Variants in FUNDC2 observed in about 807,000 individuals in gnomAD.
The protein encoded by FUNDC2 is FUN14 domain-containing protein 2.
A neutral mutation model predicts 15.6 loss-of-function variants in FUNDC2; 4 were observed. That is an observed-to-expected ratio of 0.26 (90% CI 0.13 to 0.59). The LOEUF (loss-of-function observed/expected upper bound fraction) is 0.59, where lower values mean the gene tolerates loss of function less well. Among genes scored for constraint, FUNDC2 ranks in the 20% least tolerant of loss-of-function variants. The probability of loss-of-function intolerance (pLI) is 0.90; values close to 1 mark genes in which losing one functional copy is unlikely to be tolerated. For synonymous variants in FUNDC2, 44 were observed against 56.9 expected, an observed-to-expected ratio of 0.77 and a Z score of 1.02; for missense variants, 98 against 149.7, an observed-to-expected ratio of 0.65 and a Z score of 1.80.
At position 155,056,560 on chromosome X, in the gene FUNDC2, A is replaced by G. The variant is rs782335305; in HGVS notation, c.*1888A>G. ...TTGCTTGCTATATATTTATATCTCT[A>G]TATATATTGATATAGACATATGTAG... On this transcript the variant is annotated 3_prime_UTR_variant, in exon 5 of 5. Coordinates refer to ENST00000369498, the MANE Select transcript of FUNDC2 (RefSeq NM_023934.4). The G allele has an allele frequency of 2.8e-5, 3 of 106,565 alleles. No individual in the cohort carries two copies. Among genetic ancestry groups the G allele is most frequent in the Non-Finnish European group, 5.8e-5 (3 of 51,890 alleles). The allele number at this position is 106,565 out of a possible 1,213,427, so 8.8% of individuals were successfully genotyped here. A position where few individuals can be genotyped will look rare whatever the true frequency, so the allele number is the denominator to read the frequency against.
chrX:155,057,043 GCT>G lies in FUNDC2; in HGVS notation c.*2372_*2373del, dbSNP rs2073906675. On this transcript the variant is annotated 3_prime_UTR_variant, in exon 5 of 5. Transcript: ENST00000369498. The stretch of plus-strand genomic sequence containing the variant: ...CAGTATTGCAGGTTGGCCTCATCCT[GCT>G]AGTATGAGAACGGCTGTGAGTTCTG... 3 of 96,416 alleles carry G rather than the reference GCT, an allele frequency of 3.1e-5. No individual in the cohort carries two copies. The highest frequency in any genetic ancestry group is 4.4e-5 in the Non-Finnish European group (2 of 45,178). 7.9% of individuals were successfully genotyped at this position (96,416 alleles called of 1,213,427 possible). A position where few individuals can be genotyped will look rare whatever the true frequency, so the allele number is the denominator to read the frequency against.
rs1315681776 is a variant in FUNDC2 at position 155,058,103 on chromosome X, A to T, written c.*3431A>T. 9.0e-6 allele frequency: 1 copy of T among 111,378 alleles called. No homozygotes were observed. The highest frequency in any genetic ancestry group is 1.9e-5 in the Non-Finnish European group (1 of 53,104). The allele number at this position is 111,378 out of a possible 1,213,427, so 9.2% of individuals were successfully genotyped here. On this transcript the variant is annotated 3_prime_UTR_variant, in exon 5 of 5. Transcript: ENST00000369498. ...CAATCTCCCGCCACTCAGCCTCCAG[A>T]CATTCATTAACAGGACAGTGGGGTT...
chrX:155,034,993 A>G (rs1218840067), intron 2 of FUNDC2, among the ~76,000 whole-genome samples: 1 of 111,005 alleles, frequency 9.0e-6, no homozygotes, highest in Non-Finnish European at 1.9e-5. Flanking sequence ...AGATATTTTC[A>G]CTCATTCTGT....
rs2073902650 is a variant in FUNDC2, at chrX:155,056,944, AT to A, written c.*2273del. 1 of 109,913 alleles carries A rather than the reference AT, an allele frequency of 9.1e-6. No homozygotes were observed. Among genetic ancestry groups the A allele is most frequent in the Non-Finnish European group, 1.9e-5 (1 of 52,028 alleles). 9.1% of individuals were successfully genotyped at this position (109,913 alleles called of 1,213,427 possible). ...CTGTATTCTGATTGTCTGAATTAAG[AT>A]CTGTAGGTAGGTCCCTCCTGAAGTT... is the stretch of plus-strand genomic sequence containing the variant. On this transcript the variant is annotated 3_prime_UTR_variant, in exon 5 of 5. Transcript: ENST00000369498.
Position 155,056,277 on chromosome X carries a change from A to G in FUNDC2, c.*1605A>G, listed in dbSNP as rs1359715907. The G allele has an allele frequency of 8.9e-6, 1 of 112,135 alleles. No individual in the cohort carries two copies. The highest frequency in any genetic ancestry group is 1.9e-5 in the Non-Finnish European group (1 of 53,257). The allele number at this position is 112,135 out of a possible 1,213,427, so 9.2% of individuals were successfully genotyped here. A position where few individuals can be genotyped will look rare whatever the true frequency, so the allele number is the denominator to read the frequency against. ...TGGTTTTTACCAGTTATTGTGAAAC[A>G]AATATCAAAATGTCATTTTATCATA... On this transcript the variant is annotated 3_prime_UTR_variant, in exon 5 of 5. Coordinates refer to ENST00000369498, the MANE Select transcript of FUNDC2 (RefSeq NM_023934.4).
At chrX:155,051,432 G>T (rs1410997239) in intron 3 of FUNDC2, 7 of 350,668 alleles carry the variant, frequency 2.0e-5, no homozygotes, top group Non-Finnish European at 3.0e-5. Flanking sequence ...TAAAAGGGTT[G>T]TAAGAGTATA....
rs1557288238 is a variant in FUNDC2, at chrX:155,026,849, C to T, written c.-90C>T. On this transcript the variant is annotated 5_prime_UTR_variant, in exon 1 of 5. Transcript: ENST00000369498. ...GGCGGGACCGCGGGGCCTGTGACAC[C>T]GCACGCTGAGCTCTGTGATGTAGCC... The T allele has an allele frequency of 3.5e-6, 4 of 1,127,066 alleles. No individual in the cohort carries two copies. Among genetic ancestry groups the T allele is most frequent in the Non-Finnish European group, 4.7e-6 (4 of 851,214 alleles). The allele number at this position is 1,127,066 out of a possible 1,213,427, so 92.9% of individuals were successfully genotyped here.
At chrX:155,049,120 A>C (rs1377138794) in intron 3 of FUNDC2, 1 of 113,052 alleles carries the variant, frequency 8.8e-6, no homozygotes, top group Non-Finnish European at 1.9e-5. Context: ...GCCCAGCAGC[A>C]ACGCTTGCCA....
rs1336364194 is a variant in FUNDC2 at position 155,058,179 on chromosome X, G to GT, written c.*3509dup. The GT allele has an allele frequency of 3.6e-5, 4 of 111,547 alleles. No individual in the cohort carries two copies. The highest frequency in any genetic ancestry group is 1.3e-4 in the African/African-American group (4 of 30,604). 9.2% of individuals were successfully genotyped at this position (111,547 alleles called of 1,213,427 possible). ...CAGTCCTTGCTACTGGATCTGGGCA[G>GT]TTACTGTCTCATGGATGCTGGCAGA... On this transcript the variant is annotated 3_prime_UTR_variant, in exon 5 of 5. Coordinates refer to ENST00000369498, the MANE Select transcript of FUNDC2 (RefSeq NM_023934.4).
chrX:155,031,724 T>G (rs1224710333), intron 1 of FUNDC2, among the ~76,000 whole-genome samples: 1 of 112,731 alleles, frequency 8.9e-6, no homozygotes, highest in African/African-American at 3.2e-5. Context: ...TTACATTATG[T>G]GTGAAAAGAT....
Position 155,054,966 on chromosome X carries a change from A to G in FUNDC2, c.*294A>G, listed in dbSNP as rs782071520. ...CCATGCAAGACACTTATGAGAACAC[A>G]TTACAAGATGGCTGACCGTGGAGGA... On this transcript the variant is annotated 3_prime_UTR_variant, in exon 5 of 5. Transcript: ENST00000369498. The G allele has an allele frequency of 3.2e-5, 11 of 342,244 alleles. No homozygotes were observed. Among genetic ancestry groups the G allele is most frequent in the Non-Finnish European group, 5.6e-5 (11 of 197,809 alleles). 28.2% of individuals were successfully genotyped at this position (342,244 alleles called of 1,213,427 possible). A position where few individuals can be genotyped will look rare whatever the true frequency, so the allele number is the denominator to read the frequency against.
At chrX:155,050,632 A>T (rs1460387429) in intron 3 of FUNDC2, 2 of 112,292 alleles carry the variant, frequency 1.8e-5, no homozygotes, top group East Asian at 5.6e-4. Context: ...TTGTTTATCC[A>T]TTCATGTGTT....
At chrX:155,054,551 A>T (rs782056286) in intron 4 of FUNDC2, 44 bp from the exon 5 acceptor site, 15 of 1,207,809 alleles carry the variant, frequency 1.2e-5, no homozygotes, top group Middle Eastern at 4.6e-4. Flanking sequence ...AATATTATTA[A>T]CATCCTTAGC....
chrX:155,042,872 C>T (rs966755180), intron 2 of FUNDC2, among the ~76,000 whole-genome samples: 1 of 111,419 alleles, frequency 9.0e-6, no homozygotes, highest in Non-Finnish European at 1.9e-5. Flanking sequence ...GTTTATTAAT[C>T]TTCTACAGTG....
Position 155,055,471 on chromosome X carries a change from A to C in FUNDC2, c.*799A>C, listed in dbSNP as rs1422852770. 7 of 290,526 alleles carry C rather than the reference A, an allele frequency of 2.4e-5. No homozygotes were observed. The Admixed American group carries it at 3.8e-4, about 16-fold the overall frequency. 23.9% of individuals were successfully genotyped at this position (290,526 alleles called of 1,213,427 possible). A position where few individuals can be genotyped will look rare whatever the true frequency, so the allele number is the denominator to read the frequency against. On this transcript the variant is annotated 3_prime_UTR_variant, in exon 5 of 5. Transcript: ENST00000369498. ...TTTTTTTTTAATCTAGTTAGTATGA[A>C]ATACAACATTTAAACCGGAATTTTA...
In FUNDC2 at chrX:155,056,742, G is replaced by A. The variant is rs1557290983; in HGVS notation, c.*2070G>A. 9.0e-6 allele frequency: 1 copy of A among 110,839 alleles called. No individual in the cohort carries two copies. The highest frequency in any genetic ancestry group is 3.3e-5 in the African/African-American group (1 of 30,521). The allele number at this position is 110,839 out of a possible 1,213,427, so 9.1% of individuals were successfully genotyped here. ...TGGTAACAGCAAAGCTAACCAAAGT[G>A]CTCTGTGCCCCTTTGGGTTGCATGT... On this transcript the variant is annotated 3_prime_UTR_variant, in exon 5 of 5. Transcript: ENST00000369498.
At position 155,026,844 on chromosome X, in the gene FUNDC2, G is replaced by C; in HGVS notation, c.-95G>C. 8.9e-7 allele frequency: 1 copy of C among 1,125,365 alleles called. No individual in the cohort carries two copies. Among genetic ancestry groups the C allele is most frequent in the Non-Finnish European group, 1.2e-6 (1 of 849,408 alleles). 92.7% of individuals were successfully genotyped at this position (1,125,365 alleles called of 1,213,427 possible). ...TGTTGGGCGGGACCGCGGGGCCTGT[G>C]ACACCGCACGCTGAGCTCTGTGATG... is the stretch of plus-strand genomic sequence containing the variant. On this transcript the variant is annotated 5_prime_UTR_variant, in exon 1 of 5. Coordinates refer to ENST00000369498, the MANE Select transcript of FUNDC2 (RefSeq NM_023934.4).
intron 1 of FUNDC2, 160 bp downstream of exon 1, chrX:155,027,231 G>C (rs2073796410): frequency 3.8e-6 from 2 of 526,176 alleles, no homozygotes; most frequent in Admixed American, 1.2e-4. Context: ...TGGCTCAGCC[G>C]CTCCCAGGGT....
At chrX:155,032,451 T>C (rs1298947821) in intron 1 of FUNDC2, among the ~76,000 whole-genome samples, 1 of 108,566 alleles carries the variant, frequency 9.2e-6, no homozygotes, top group Non-Finnish European at 1.9e-5. Flanking sequence ...TAATTTTGTA[T>C]TTTTAGTAGA....
Sources: gnomAD v4.1 joint callset for allele counts (sites outside exome capture counted in the v4.1 genomes callset) on GRCh38, gnomAD v4.1.1 for gene constraint, MANE v1.5 for transcripts, NCBI Gene and HGNC (gene_info 2026-07-23, HGNC 2026-07-21) for gene names.